Variants in DLC1 observed in about 807,000 individuals in gnomAD.
DLC1 encodes rho GTPase-activating protein 7.
DLC1 carries 54 observed loss-of-function variants against 140.3 expected under a neutral mutation model. That is an observed-to-expected ratio of 0.38 (90% CI 0.31 to 0.48). The LOEUF is 0.48. Ranked by LOEUF, DLC1 falls within the 20% of genes least tolerant of loss-of-function variation. The pLI, the probability that DLC1 is intolerant of heterozygous loss-of-function variation, is 0.96. For synonymous variants in DLC1, 986 were observed against 728.1 expected (o/e 1.35, Z -5.70); for missense variants, 2,536 against 1,907.0 (o/e 1.33, Z -6.14).
intron 1 of DLC1, among the ~76,000 whole-genome samples, chr8:13,548,984 C>A (rs1316632855): frequency 6.6e-6 from 1 of 152,022 alleles, no homozygotes; most frequent in Admixed American, 6.6e-5. Flanking sequence ...TTTGTCCCCT[C>A]AATTTATAAA....
intron 5 of DLC1, among the ~76,000 whole-genome samples, chr8:13,121,521 T>C (rs1412841148): frequency 6.6e-6 from 1 of 152,132 alleles, no homozygotes; most frequent in African/African-American, 2.4e-5. Flanking sequence ...CAGCCCTGGA[T>C]GTAGGCAGGC....
intron 5 of DLC1, among the ~76,000 whole-genome samples, chr8:13,274,493 T>A (rs1206010148): frequency 1.3e-5 from 2 of 152,258 alleles, no homozygotes; most frequent in African/African-American, 4.8e-5. Flanking sequence ...GCTAGAGTTG[T>A]GAAAACATTT....
intron 5 of DLC1, among the ~76,000 whole-genome samples, chr8:13,153,290 G>A (rs1823979741): frequency 6.6e-6 from 1 of 152,146 alleles, no homozygotes; most frequent in Non-Finnish European, 1.5e-5. Context: ...CCCTTAAGGT[G>A]GCGCGTCTGG....
intron 1 of DLC1, among the ~76,000 whole-genome samples, chr8:13,545,569 C>T (rs1282560226): frequency 2.0e-5 from 3 of 151,858 alleles, no homozygotes; most frequent in African/African-American, 4.8e-5. Context: ...AAATTGAATT[C>T]GTGGTGTTGT....
At chr8:13,413,255 G>GTTT (rs1461897724) in intron 2 of DLC1, among the ~76,000 whole-genome samples, 3 of 30,138 alleles carry the variant, frequency 1.0e-4, no homozygotes, top group African/African-American at 1.6e-4. Flanking sequence ...ATTTTTTTGC[G>GTTT]ATTTTTTTTT....
chr8:13,300,146 G>T (rs555053775), intron 5 of DLC1, among the ~76,000 whole-genome samples: 7 of 152,286 alleles, frequency 4.6e-5, no homozygotes, highest in Non-Finnish European at 1.0e-4. Flanking sequence ...CATGGATGAA[G>T]CTGAAAGCCA....
At chr8:13,123,389 G>T (rs1037155031) in intron 5 of DLC1, among the ~76,000 whole-genome samples, 2 of 151,176 alleles carry the variant, frequency 1.3e-5, no homozygotes, top group African/African-American at 4.9e-5. Context: ...CTCCCAGGCC[G>T]GAATGCAGTG....
intron 5 of DLC1, among the ~76,000 whole-genome samples, chr8:13,186,627 C>T (rs1226457045): frequency 6.6e-6 from 1 of 152,150 alleles, no homozygotes; most frequent in Non-Finnish European, 1.5e-5. Context: ...TTTGTTATTA[C>T]TGACCTTCTG....
Position 13,362,916 on chromosome 8 carries a change from C to T in DLC1, c.1314+30637G>A, listed in dbSNP as rs536849132. The stretch of plus-strand genomic sequence containing the variant: ...GTTCCAGCATCCTAGAGAGGCCTTT[C>T]CAGACCATCCTACCAATGTTACTCC... On this transcript the variant is annotated intron_variant, in intron 4 of 17. Coordinates refer to ENST00000276297, the MANE Select transcript of DLC1 (RefSeq NM_182643.3). 1.4e-4 allele frequency among the ~76,000 whole-genome samples: 21 copies of T among 152,284 alleles called. No homozygotes were observed. The South Asian group carries it at 3.5e-3, about 26-fold the overall frequency.
intron 1 of DLC1, among the ~76,000 whole-genome samples, chr8:13,525,750 T>C (rs1469272902): frequency 6.6e-6 from 1 of 152,218 alleles, no homozygotes; most frequent in Admixed American, 6.5e-5. Context: ...TGCAAATATT[T>C]CTTCTAGTCT....
intron 5 of DLC1, among the ~76,000 whole-genome samples, chr8:13,191,335 C>T (rs544124554): frequency 1.5e-4 from 23 of 152,258 alleles, no homozygotes; most frequent in Admixed American, 3.3e-4. Flanking sequence ...GGTGAAACTC[C>T]GTCTCTACTA....
intron 5 of DLC1, among the ~76,000 whole-genome samples, chr8:13,210,485 T>G (rs2117105036): frequency 6.6e-6 from 1 of 152,320 alleles, no homozygotes; most frequent in East Asian, 1.9e-4. Context: ...ATGCTAACCC[T>G]GCTAATAGGT....
intron 2 of DLC1, among the ~76,000 whole-genome samples, chr8:13,461,918 C>G (rs1799680766): frequency 6.6e-6 from 1 of 152,154 alleles, no homozygotes; most frequent in African/African-American, 2.4e-5. Flanking sequence ...GTGGATCTAC[C>G]AGCAACAATA....
At chr8:13,322,650 C>A (rs1729136) in intron 4 of DLC1, among the ~76,000 whole-genome samples, 129,578 of 152,176 alleles carry the variant, frequency 0.85, 55,634 homozygotes, top group East Asian at 0.95. Flanking sequence ...AATTTTTAAT[C>A]TGTGCTGAAA....
intron 7 of DLC1, among the ~76,000 whole-genome samples, chr8:13,109,911 C>G (rs867084972): frequency 1.3e-5 from 2 of 151,092 alleles, no homozygotes; most frequent in South Asian, 2.1e-4. Context: ...AAAACAGAAA[C>G]AAAAAAAACA....
chr8:13,340,302 G>A (rs1833985455), intron 4 of DLC1: 1 of 152,328 alleles, frequency 6.6e-6, no homozygotes, highest in Admixed American at 6.5e-5. Context: ...CCGGATTCAA[G>A]CAATTCTCCT....
chr8:13,245,641 T>C (rs896210306), intron 5 of DLC1, among the ~76,000 whole-genome samples: 2 of 152,206 alleles, frequency 1.3e-5, no homozygotes, highest in Admixed American at 6.5e-5. Context: ...ACCACTCCCA[T>C]CATCAGAAAT....
At chr8:13,424,236 C>A (rs4427175) in intron 2 of DLC1, among the ~76,000 whole-genome samples, 11,124 of 152,158 alleles carry the variant, frequency 0.073, 546 homozygotes, top group East Asian at 0.14. Context: ...CGGTGGCTCA[C>A]CCCTATAATC....
At chr8:13,433,006 T>C (rs1411335522) in intron 2 of DLC1, among the ~76,000 whole-genome samples, 1 of 150,030 alleles carries the variant, frequency 6.7e-6, no homozygotes, top group Admixed American at 6.7e-5. Context: ...AACTTGTAAG[T>C]TGAAGAAAAG....
Sources: gnomAD v4.1 joint callset for allele counts (sites outside exome capture counted in the v4.1 genomes callset) on GRCh38, gnomAD v4.1.1 for gene constraint, MANE v1.5 for transcripts, NCBI Gene and HGNC (gene_info 2026-07-23, HGNC 2026-07-21) for gene names.